SLIRP: variants seen among roughly 807,000 people sequenced by gnomAD.
SLIRP encodes SRA stem-loop interacting RNA binding protein.
Under a neutral mutation model 13.4 loss-of-function variants are expected in SLIRP, and 12 were observed. The ratio of observed to expected loss-of-function variants is 0.89; its 90% CI spans 0.57 to 1.45. The LOEUF is 1.45. Among genes scored for constraint, SLIRP ranks in the 40% most tolerant of loss-of-function variants. The pLI is 0.00. For synonymous variants in SLIRP, 55 were observed against 47.1 expected, an observed-to-expected ratio of 1.17 and a Z score of -0.69; for missense variants, 154 against 132.2, an observed-to-expected ratio of 1.17 and a Z score of -0.81.
intron 1 of SLIRP, among the ~76,000 whole-genome samples, chr14:77,708,927 G>A (rs1425350705): frequency 1.3e-5 from 2 of 152,144 alleles, no homozygotes; most frequent in Non-Finnish European, 2.9e-5. Flanking sequence ...GTTATCACTT[G>A]AATAACTGAA....
chr14:77,714,226 C>T (rs762255588), intron 2 of SLIRP, among the ~76,000 whole-genome samples: 3 of 152,116 alleles, frequency 2.0e-5, no homozygotes, highest in Non-Finnish European at 2.9e-5. Context: ...AGGCTGGTCT[C>T]GAGCTCCCGC....
chr14:77,710,744 T>C (rs547968637), intron 1 of SLIRP, 94 bp from the exon 2 acceptor site: 2 of 1,583,128 alleles, frequency 1.3e-6, no homozygotes, highest in African/African-American at 2.7e-5. Flanking sequence ...GTAGTTCCTG[T>C]CCACAAGAAA....
chr14:77,715,238 G>GT (rs753814295), intron 2 of SLIRP, among the ~76,000 whole-genome samples: 1 of 152,028 alleles, frequency 6.6e-6, no homozygotes, highest in Non-Finnish European at 1.5e-5. Flanking sequence ...CTCATGACCC[G>GT]TATCTTCTCT....
Position 77,717,495 on chromosome 14 carries a change from G to A in SLIRP, c.265-1G>A, listed in dbSNP as rs1306393902. The A allele has an allele frequency of 8.7e-6, 14 of 1,611,558 alleles. No homozygotes were observed. The highest frequency in any genetic ancestry group is 1.2e-5 in the Non-Finnish European group (14 of 1,179,458). Reference sequence around the variant, plus strand: ...TCCCTTACAGTGCTTATTTTTTTAAGGTCCAGGTTCACACTAGAAGGCCAA... The same window carrying A: ...TCCCTTACAGTGCTTATTTTTTTAAAGTCCAGGTTCACACTAGAAGGCCAA... On this transcript the variant is annotated splice_acceptor_variant, in intron 3 of 3. Transcript: ENST00000557342. LOFTEE classifies it high-confidence loss of function.
At chr14:77,709,997 T>C (rs1014313322) in intron 1 of SLIRP, among the ~76,000 whole-genome samples, 3 of 152,204 alleles carry the variant, frequency 2.0e-5, no homozygotes, top group African/African-American at 7.2e-5. Flanking sequence ...ATGAAGAGAC[T>C]TAGAACAAAT....
At chr14:77,716,979 G>C (rs2080489564) in intron 3 of SLIRP, among the ~76,000 whole-genome samples, 1 of 151,976 alleles carries the variant, frequency 6.6e-6, no homozygotes, top group Non-Finnish European at 1.5e-5. Flanking sequence ...TGGTCAGGCT[G>C]GTCTCAAACT....
intron 3 of SLIRP, 94 bp downstream of exon 3, chr14:77,715,973 G>A: frequency 1.0e-6 from 1 of 1,004,516 alleles, no homozygotes; most frequent in Non-Finnish European, 1.5e-6. Flanking sequence ...GTGGAATGAT[G>A]GGGACTTGGA....
At chr14:77,710,677 C>T (rs902099128) in intron 1 of SLIRP, 161 bp from the exon 2 acceptor site, 3 of 1,548,658 alleles carry the variant, frequency 1.9e-6, no homozygotes, top group Non-Finnish European at 2.6e-6. Context: ...TACATTATGG[C>T]TTTATAGTCA....
chr14:77,714,936 T>C (rs1464064734), intron 2 of SLIRP, among the ~76,000 whole-genome samples: 2 of 152,184 alleles, frequency 1.3e-5, no homozygotes, highest in Non-Finnish European at 2.9e-5. Flanking sequence ...CCGTATGCGA[T>C]GTATAGGTTG....
intron 2 of SLIRP, 51 bp downstream of exon 2, chr14:77,710,947 A>C: frequency 1.4e-6 from 2 of 1,475,626 alleles, no homozygotes; most frequent in Non-Finnish European, 1.9e-6. Flanking sequence ...AATGGGTACA[A>C]AAAAAATAGA....
At chr14:77,711,057 A>G (rs2080436431) in intron 2 of SLIRP, among the ~76,000 whole-genome samples, 161 bp downstream of exon 2, 1 of 152,028 alleles carries the variant, frequency 6.6e-6, no homozygotes, top group South Asian at 2.1e-4. Flanking sequence ...TTTGTAACTC[A>G]AAGGATAAAT....
chr14:77,710,822 T>A lies in SLIRP; in HGVS notation c.98-16T>A. On this transcript the variant is annotated splice_polypyrimidine_tract_variant and intron_variant, in intron 1 of 3. Coordinates refer to ENST00000557342, the MANE Select transcript of SLIRP (RefSeq NM_031210.6). ...AAATATAGTAACTACTTTTAATGTT[T>A]TCTTCTGCCACACAGGTCAGCTGAA... 3 of 1,614,160 alleles carry A rather than the reference T, an allele frequency of 1.9e-6. No homozygotes were observed. The highest frequency in any genetic ancestry group is 2.5e-6 in the Non-Finnish European group (3 of 1,180,006).
intron 2 of SLIRP, among the ~76,000 whole-genome samples, chr14:77,714,362 G>A (rs1249101356): frequency 6.6e-6 from 1 of 152,170 alleles, no homozygotes; most frequent in East Asian, 1.9e-4. Flanking sequence ...GTGCAGAGGC[G>A]TGATCTCAGC....
intron 2 of SLIRP, among the ~76,000 whole-genome samples, chr14:77,711,176 C>G (rs2080437235): frequency 6.7e-6 from 1 of 149,442 alleles, no homozygotes; most frequent in Non-Finnish European, 1.5e-5. Context: ...ATCAAAACAT[C>G]TCATGTACTC....
intron 2 of SLIRP, among the ~76,000 whole-genome samples, chr14:77,714,151 G>A (rs1566822334): frequency 6.6e-6 from 1 of 151,796 alleles, no homozygotes; most frequent in African/African-American, 2.4e-5. Flanking sequence ...GGGATTAGTC[G>A]TGTGCCACCA....
intron 3 of SLIRP, among the ~76,000 whole-genome samples, chr14:77,717,177 A>C (rs2080492264): frequency 6.6e-6 from 1 of 152,086 alleles, no homozygotes; most frequent in African/African-American, 2.4e-5. Flanking sequence ...TTTTAATGAG[A>C]CAGGGCCTTG....
chr14:77,715,031 T>G lies in SLIRP; in HGVS notation c.157-741T>G, dbSNP rs150411872. Among the ~76,000 whole-genome samples the G allele has an allele frequency of 8.4e-3, 1,280 of 151,734 alleles. 13 individuals are homozygous for G. Among genetic ancestry groups the G allele is most frequent in the African/African-American group, 0.03 (1,232 of 41,504 alleles). The stretch of plus-strand genomic sequence containing the variant: ...GGTTGAGTAAGGGCTAAATATTATC[T>G]TTTCTTGTTTTTCATTAGGAACACG... On this transcript the variant is annotated intron_variant, in intron 2 of 3. Coordinates refer to ENST00000557342, the MANE Select transcript of SLIRP (RefSeq NM_031210.6).
At chr14:77,712,924 T>C (rs939062777) in intron 2 of SLIRP, among the ~76,000 whole-genome samples, 3 of 152,218 alleles carry the variant, frequency 2.0e-5, no homozygotes, top group African/African-American at 7.2e-5. Flanking sequence ...TCCAGTCTGC[T>C]TAAGATGGCA....
intron 2 of SLIRP, among the ~76,000 whole-genome samples, chr14:77,715,384 C>G (rs2080468234): frequency 6.6e-6 from 1 of 152,064 alleles, no homozygotes; most frequent in African/African-American, 2.4e-5. Context: ...TGGCTTATGC[C>G]TGTAATTTCA....
Sources: allele counts gnomAD v4.1 joint callset (sites outside exome capture counted in the v4.1 genomes callset), GRCh38; gene constraint gnomAD v4.1.1; transcripts MANE v1.5; gene names NCBI Gene and HGNC (gene_info 2026-07-23, HGNC 2026-07-21).